The following BMERB1 variants were observed in gnomAD, a reference collection of about 807,000 sequenced individuals.
The protein encoded by BMERB1 is bMERB domain containing 1.
A neutral mutation model predicts 23.6 loss-of-function variants in BMERB1; 12 were observed. That is an observed-to-expected ratio of 0.51 (90% CI 0.33 to 0.82). The LOEUF is 0.82. Ranked by LOEUF, BMERB1 falls within the 40% of genes least tolerant of loss-of-function variation. BMERB1 has a pLI of 0.03. For missense variants in BMERB1, 247 were observed against 255.4 expected, an observed-to-expected ratio of 0.97 and a Z score of 0.22; for synonymous variants, 122 against 96.6, an observed-to-expected ratio of 1.26 and a Z score of -1.54.
intron 2 of BMERB1, among the ~76,000 whole-genome samples, chr16:15,539,495 AAGTTGGGT>A (rs2052058116): frequency 6.6e-6 from 1 of 152,048 alleles, no homozygotes; most frequent in African/African-American, 2.4e-5. Flanking sequence ...GTTTTTCCCA[AAGTTGGGT>A]ACGCTCTGGG....
At chr16:15,568,895 G>A (rs1243832825) in intron 3 of BMERB1, among the ~76,000 whole-genome samples, 1 of 152,012 alleles carries the variant, frequency 6.6e-6, no homozygotes, top group Non-Finnish European at 1.5e-5. Context: ...TGTGTTAGTT[G>A]CCCTCTGTGG....
Position 15,434,707 on chromosome 16 carries a change from G to A in BMERB1, c.54G>A (p.Arg18=). Residue 18 remains arginine (R), a synonymous_variant, in exon 1 of 6, where the codon AGG becomes AGA. Transcript: ENST00000300006. ...STHLEAEKPL[R]RYGAVEETAW... ...ATCTGGAAGCCGAGAAGCCTCTGAG[G>A]CGCTATGGGGCGGTGGAGGAGACGG... 1 of 1,611,788 alleles carries A rather than the reference G, an allele frequency of 6.2e-7. No individual in the cohort carries two copies. Among genetic ancestry groups the A allele is most frequent in the Non-Finnish European group, 8.5e-7 (1 of 1,178,678 alleles).
At chr16:15,442,488 AGTTG>A (rs1307916177) in intron 1 of BMERB1, among the ~76,000 whole-genome samples, 3 of 152,216 alleles carry the variant, frequency 2.0e-5, no homozygotes, top group Admixed American at 1.3e-4. Flanking sequence ...TTATTTACAC[AGTTG>A]AGTAATGTCT....
chr16:15,551,009 C>T (rs1307281814), intron 2 of BMERB1, among the ~76,000 whole-genome samples: 9 of 152,230 alleles, frequency 5.9e-5, no homozygotes, highest in Admixed American at 3.9e-4. Flanking sequence ...GGCAGGAACT[C>T]GCAGCAGGTG....
intron 3 of BMERB1, among the ~76,000 whole-genome samples, chr16:15,575,331 A>G (rs945468653): frequency 3.3e-5 from 5 of 152,206 alleles, no homozygotes; most frequent in African/African-American, 9.7e-5. Context: ...TTCTATAGAA[A>G]ACAAAACATC....
intron 1 of BMERB1, among the ~76,000 whole-genome samples, chr16:15,498,419 G>T (rs2051496111): frequency 6.6e-6 from 1 of 152,096 alleles, no homozygotes. Flanking sequence ...ACCTATTCAG[G>T]AGGCTGAAGT....
rs145141186 is a variant in BMERB1 at position 15,581,314 on chromosome 16, G to A, written c.402G>A (p.Ala134=). 1.3e-4 allele frequency: 204 copies of A among 1,613,964 alleles called. No homozygotes were observed. In the African/African-American group the frequency reaches 1.5e-3, roughly 12 times the overall value. The change falls in exon 4 of 6, where the codon GCG becomes GCA. Residue 134 remains alanine, a synonymous_variant. Transcript: ENST00000300006. ...VQKRDFLVDD[A]EVERLREQEE... ...AGAGAGACTTCCTGGTGGACGATGC[G>A]GAGGTCGAGCGGTTAAGGTGAGTGC...
chr16:15,512,908 GAAC>G (rs369365725), intron 1 of BMERB1, among the ~76,000 whole-genome samples: 2 of 151,766 alleles, frequency 1.3e-5, no homozygotes, highest in Non-Finnish European at 2.9e-5. Flanking sequence ...AGGAAAAAGA[GAAC>G]AACTTTCCAA....
chr16:15,562,318 A>C (rs1040664113), intron 2 of BMERB1, among the ~76,000 whole-genome samples: 1 of 151,048 alleles, frequency 6.6e-6, no homozygotes, highest in Admixed American at 6.6e-5. Flanking sequence ...AAAAAAAAAA[A>C]AACATAAATA....
chr16:15,537,195 C>T (rs959349211), intron 2 of BMERB1, among the ~76,000 whole-genome samples: 14 of 152,154 alleles, frequency 9.2e-5, no homozygotes, highest in African/African-American at 3.4e-4. Context: ...TGACAGTGTC[C>T]AACCAAACAG....
intron 2 of BMERB1, among the ~76,000 whole-genome samples, chr16:15,534,425 A>C (rs953068023): frequency 6.6e-6 from 1 of 151,972 alleles, no homozygotes. Context: ...GTGGAGGTAC[A>C]TGCCTGTAAT....
At chr16:15,583,020 C>G in intron 4 of BMERB1, 136 bp from the exon 5 acceptor site, 1 of 711,338 alleles carries the variant, frequency 1.4e-6, no homozygotes, top group Non-Finnish European at 2.5e-6. Context: ...ACATACTGTA[C>G]ACGCATAACA....
At chr16:15,494,582 A>G (rs891326399) in intron 1 of BMERB1, among the ~76,000 whole-genome samples, 13 of 152,126 alleles carry the variant, frequency 8.5e-5, no homozygotes, top group Admixed American at 6.6e-4. Flanking sequence ...ATCTGTGGCA[A>G]AGTCTTGTGA....
chr16:15,466,341 G>T (rs964275896), intron 1 of BMERB1, among the ~76,000 whole-genome samples: 1 of 152,076 alleles, frequency 6.6e-6, no homozygotes, highest in African/African-American at 2.4e-5. Context: ...TTTCCAATGA[G>T]GTTAGACATC....
intron 1 of BMERB1, among the ~76,000 whole-genome samples, chr16:15,476,882 G>T (rs1401809744): frequency 6.6e-6 from 1 of 152,178 alleles, no homozygotes; most frequent in Non-Finnish European, 1.5e-5. Context: ...ACCTGCTTCT[G>T]CCATGTGGAA....
chr16:15,493,056 A>G (rs1172143802), intron 1 of BMERB1, among the ~76,000 whole-genome samples: 1 of 152,072 alleles, frequency 6.6e-6, no homozygotes, highest in Non-Finnish European at 1.5e-5. Flanking sequence ...CCTGTGCAGT[A>G]CCCCTTAAAA....
intron 4 of BMERB1, among the ~76,000 whole-genome samples, chr16:15,582,119 C>T (rs548454221): frequency 1.3e-5 from 2 of 152,322 alleles, no homozygotes; most frequent in East Asian, 1.9e-4. Flanking sequence ...ATTCTATGGT[C>T]GGGTACAGTG....
chr16:15,452,189 G>A (rs183549543), intron 1 of BMERB1, among the ~76,000 whole-genome samples: 8 of 151,762 alleles, frequency 5.3e-5, no homozygotes, highest in African/African-American at 1.4e-4. Flanking sequence ...GCTGAGGCAG[G>A]AGGATTGCTT....
chr16:15,450,686 A>C (rs2051034361), intron 1 of BMERB1, among the ~76,000 whole-genome samples: 1 of 151,870 alleles, frequency 6.6e-6, no homozygotes, highest in Admixed American at 6.6e-5. Flanking sequence ...GTTGAGGCTG[A>C]TCTCGAACTC....
Sources: gnomAD v4.1 joint callset for allele counts (sites outside exome capture counted in the v4.1 genomes callset) on GRCh38, gnomAD v4.1.1 for gene constraint, MANE v1.5 for transcripts, NCBI Gene and HGNC (gene_info 2026-07-23, HGNC 2026-07-21) for gene names.